The following SPIDR variants were observed in gnomAD, a reference collection of about 807,000 sequenced individuals.
SPIDR encodes scaffold protein involved in DNA repair.
In SPIDR, 93 loss-of-function variants were observed where a neutral mutation model predicts 104.6. The ratio of observed to expected loss-of-function variants is 0.89; its 90% CI spans 0.75 to 1.06. The LOEUF (loss-of-function observed/expected upper bound fraction) is 1.06. Ranked by LOEUF, SPIDR falls within the 50% of genes least tolerant of loss-of-function variation. The pLI, the probability that SPIDR is intolerant of heterozygous loss-of-function variation, is 0.00. For missense variants in SPIDR, 1,154 were observed against 1,111.2 expected (o/e 1.04, Z -0.55); for synonymous variants, 431 against 416.9 (o/e 1.03, Z -0.41).
chr8:47,447,799 A>G (rs1375947288), intron 8 of SPIDR, among the ~76,000 whole-genome samples: 23 of 152,108 alleles, frequency 1.5e-4, no homozygotes, highest in Admixed American at 1.2e-3. Flanking sequence ...CACCACCCCA[A>G]TCAGTCAGTA....
At chr8:47,479,892 A>G (rs984694955) in intron 8 of SPIDR, among the ~76,000 whole-genome samples, 3 of 152,182 alleles carry the variant, frequency 2.0e-5, no homozygotes, top group African/African-American at 4.8e-5. Flanking sequence ...GAGAACTACA[A>G]TAGCTTCTTC....
At chr8:47,487,738 C>T (rs1000030395) in intron 8 of SPIDR, among the ~76,000 whole-genome samples, 18 of 152,312 alleles carry the variant, frequency 1.2e-4, no homozygotes, top group Admixed American at 7.2e-4. Context: ...AACTGCACAA[C>T]GTGCTCCTGA....
intron 4 of SPIDR, among the ~76,000 whole-genome samples, chr8:47,293,414 G>A (rs1369265007): frequency 6.6e-6 from 1 of 152,146 alleles, no homozygotes; most frequent in Non-Finnish European, 1.5e-5. Context: ...GGGAGAAACA[G>A]TGATTTGAGA....
chr8:47,702,071 TCTCTCTCTCTCTCTCTCTCTCTCTCTTA>T, intron 14 of SPIDR, 56 bp downstream of exon 14: 1 of 576,362 alleles, frequency 1.7e-6, no homozygotes. Context: ...TCTCTCTCTC[TCTCTCTCTCTCTCTCTCTCTCTCTCTTA>T]CACACACACA....
intron 14 of SPIDR, among the ~76,000 whole-genome samples, chr8:47,703,332 AT>A (rs2080600592): frequency 1.3e-5 from 2 of 152,252 alleles, no homozygotes; most frequent in South Asian, 2.1e-4. Flanking sequence ...CTAAAAGAAT[AT>A]GTTTCATAAC....
At chr8:47,302,380 A>T (rs994227943) in intron 5 of SPIDR, among the ~76,000 whole-genome samples, 1 of 151,854 alleles carries the variant, frequency 6.6e-6, no homozygotes, top group Non-Finnish European at 1.5e-5. Context: ...CTTCTTTGCC[A>T]TGGGTTCGAA....
chr8:47,379,579 AAG>A lies in SPIDR; in HGVS notation c.526-16795_526-16794del, dbSNP rs577694488. Among the ~76,000 whole-genome samples the A allele has an allele frequency of 2.8e-3, 420 of 152,308 alleles. 1 individual carries two copies. Among genetic ancestry groups the A allele is most frequent in the African/African-American group, 9.9e-3 (410 of 41,556 alleles). On this transcript the variant is annotated intron_variant, in intron 5 of 19. Coordinates refer to ENST00000297423, the MANE Select transcript of SPIDR (RefSeq NM_001080394.4). ...CTTTTCATTAAAATGATTAAAATAT[AAG>A]ATTTTAGAGAATTCAGCTCCATGAG... is the stretch of plus-strand genomic sequence containing the variant.
intron 8 of SPIDR, among the ~76,000 whole-genome samples, chr8:47,545,115 CTTTCTTT>C (rs1340688766): frequency 7.2e-5 from 2 of 27,828 alleles, no homozygotes; most frequent in Admixed American, 4.3e-4. Context: ...TTCTTTCTTT[CTTTCTTT>C]TTTTTTTTTT....
intron 14 of SPIDR, among the ~76,000 whole-genome samples, chr8:47,702,395 G>A (rs754496155): frequency 4.1e-4 from 63 of 152,194 alleles, no homozygotes; most frequent in Non-Finnish European, 6.3e-4. Context: ...AGAAAGGAAA[G>A]AGATGGAGAA....
chr8:47,536,040 C>T (rs1045018046), intron 8 of SPIDR, among the ~76,000 whole-genome samples: 1 of 151,760 alleles, frequency 6.6e-6, no homozygotes, highest in Non-Finnish European at 1.5e-5. Context: ...AGAATAAAAA[C>T]AATGCCATTT....
chr8:47,598,897 C>G (rs1205104270), intron 9 of SPIDR, 49 bp from the exon 10 acceptor site: 1 of 1,607,350 alleles, frequency 6.2e-7, no homozygotes, highest in African/African-American at 1.3e-5. Context: ...GTTAGCCGAA[C>G]TGAAACTTTG....
chr8:47,510,615 G>C (rs1029387722), intron 8 of SPIDR, among the ~76,000 whole-genome samples: 1 of 152,054 alleles, frequency 6.6e-6, no homozygotes, highest in African/African-American at 2.4e-5. Context: ...AAAATGTTGT[G>C]TATAATGTAG....
chr8:47,667,453 A>G (rs956674554), intron 10 of SPIDR, among the ~76,000 whole-genome samples: 1 of 149,940 alleles, frequency 6.7e-6, no homozygotes, highest in Admixed American at 6.6e-5. Flanking sequence ...AAAAAAAAAA[A>G]AAAAAAAAAA....
At chr8:47,735,002 C>CA (rs2085956317) in intron 19 of SPIDR, among the ~76,000 whole-genome samples, 1 of 152,182 alleles carries the variant, frequency 6.6e-6, no homozygotes, top group African/African-American at 2.4e-5. Context: ...CCGGCCTTCC[C>CA]AGCAGAGTCT....
chr8:47,313,639 A>T lies in SPIDR; in HGVS notation c.525+19609A>T, dbSNP rs587771181. Among the ~76,000 whole-genome samples the T allele has an allele frequency of 3.3e-5, 5 of 152,334 alleles. No individual in the cohort carries two copies. In the East Asian group the frequency reaches 9.7e-4, roughly 29 times the overall value. On this transcript the variant is annotated intron_variant, in intron 5 of 19. Transcript: ENST00000297423. ...AAGCCAAAAGAACAAAGCCGGAGGC[A>T]TCACGCTACCTGACTTCAAACTATA...
intron 7 of SPIDR, among the ~76,000 whole-genome samples, chr8:47,436,269 T>G (rs1308850807): frequency 6.6e-6 from 1 of 152,246 alleles, no homozygotes; most frequent in African/African-American, 2.4e-5. Context: ...TGGCTGGGAT[T>G]CAGAAAACAC....
chr8:47,434,495 C>A (rs531354281), intron 7 of SPIDR, among the ~76,000 whole-genome samples: 1 of 152,046 alleles, frequency 6.6e-6, no homozygotes, highest in Non-Finnish European at 1.5e-5. Flanking sequence ...AGAGACAGAG[C>A]GATAATGTAG....
chr8:47,412,414 T>C (rs1554672388), intron 7 of SPIDR, among the ~76,000 whole-genome samples: 2 of 152,198 alleles, frequency 1.3e-5, no homozygotes, highest in African/African-American at 4.8e-5. Context: ...TTCAGGCATA[T>C]TGGTTGGAAA....
At chr8:47,467,116 G>A (rs1203734803) in intron 8 of SPIDR, among the ~76,000 whole-genome samples, 3 of 151,966 alleles carry the variant, frequency 2.0e-5, no homozygotes, top group Non-Finnish European at 4.4e-5. Context: ...AAATGTAGAG[G>A]GAATGGATAA....
Sources: allele counts gnomAD v4.1 joint callset (sites outside exome capture counted in the v4.1 genomes callset), GRCh38; gene constraint gnomAD v4.1.1; transcripts MANE v1.5; gene names NCBI Gene and HGNC (gene_info 2026-07-23, HGNC 2026-07-21).